Variants in HECW2 observed in about 807,000 individuals in gnomAD.
HECW2 encodes the protein HECT, C2 and WW domain containing E3 ubiquitin protein ligase 2, also known as E3 ubiquitin-protein ligase HECW2.
HECW2 carries 61 observed loss-of-function variants against 175.2 expected under a neutral mutation model. The ratio of observed to expected loss-of-function variants is 0.35; its 90% CI spans 0.28 to 0.43. The LOEUF (loss-of-function observed/expected upper bound fraction) is 0.43, where lower values mean the gene tolerates loss of function less well. Ranked by LOEUF, HECW2 falls within the 20% of genes least tolerant of loss-of-function variation. The pLI is 1.00. For missense variants in HECW2, 1,524 were observed against 2,000.5 expected, an observed-to-expected ratio of 0.76 and a Z score of 4.54; for synonymous variants, 671 against 731.0, an observed-to-expected ratio of 0.92 and a Z score of 1.32.
At chr2:196,291,445 G>A (rs1441831699) in intron 14 of HECW2, 2 of 152,156 alleles carry the variant, frequency 1.3e-5, no homozygotes, top group African/African-American at 2.4e-5. Flanking sequence ...GCATTCATGA[G>A]AATGACAGTT....
chr2:196,333,948 C>T (rs1020523888), intron 4 of HECW2, among the ~76,000 whole-genome samples: 11 of 152,172 alleles, frequency 7.2e-5, no homozygotes, highest in African/African-American at 2.7e-4. Context: ...CCAAACTCAG[C>T]ATTGAGAAGG....
intron 15 of HECW2, among the ~76,000 whole-genome samples, chr2:196,276,303 T>C (rs974855421): frequency 6.6e-6 from 1 of 152,184 alleles, no homozygotes; most frequent in African/African-American, 2.4e-5. Context: ...GACTTATCTC[T>C]GGGCCACTGC....
At position 196,214,853 on chromosome 2, in the gene HECW2, A is replaced by G. The variant is rs1351852425; in HGVS notation, c.4607+1012T>C. ...AGATTGCTCAGTTGCTTGTACTTAA[A>G]GAAACAGATGACATCTTGGGGTACC... On this transcript the variant is annotated intron_variant, in intron 28 of 28. Transcript: ENST00000644978. 2.6e-5 allele frequency among the ~76,000 whole-genome samples: 4 copies of G among 152,222 alleles called. No individual in the cohort carries two copies. In the East Asian group the frequency reaches 7.7e-4, roughly 29 times the overall value.
intron 1 of HECW2, among the ~76,000 whole-genome samples, chr2:196,458,990 G>A (rs906107894): frequency 2.0e-5 from 3 of 152,188 alleles, no homozygotes; most frequent in Admixed American, 1.3e-4. Flanking sequence ...GTTAGGTACT[G>A]CAGGATTTAC....
chr2:196,402,026 G>C (rs1035154200), intron 2 of HECW2, among the ~76,000 whole-genome samples: 66 of 151,544 alleles, frequency 4.4e-4, no homozygotes, highest in Admixed American at 3.7e-3. Flanking sequence ...TGGTGAAACC[G>C]TGTCTCTACT....
chr2:196,220,173 C>G lies in HECW2; in HGVS notation c.4294-20G>C. 1 of 1,485,932 alleles carries G rather than the reference C, an allele frequency of 6.7e-7. No homozygotes were observed. The highest frequency in any genetic ancestry group is 9.4e-7 in the Non-Finnish European group (1 of 1,064,794). The allele number at this position is 1,485,932 out of a possible 1,614,324, so 92.0% of individuals were successfully genotyped here. On this transcript the variant is annotated intron_variant, in intron 25 of 28. Coordinates refer to ENST00000644978, the MANE Select transcript of HECW2 (RefSeq NM_001348768.2). Reference sequence around the variant, plus strand: ...CACCACCTGTGGAATAAAAAGAGTACAAGGCATGGCTTAGGAGCCTGGAGA... The same window carrying G: ...CACCACCTGTGGAATAAAAAGAGTAGAAGGCATGGCTTAGGAGCCTGGAGA...
At chr2:196,498,241 T>C (rs1216737871) in intron 1 of HECW2, among the ~76,000 whole-genome samples, 1 of 152,240 alleles carries the variant, frequency 6.6e-6, no homozygotes, top group Non-Finnish European at 1.5e-5. Flanking sequence ...CATAATATTA[T>C]AACATAAGTG....
intron 1 of HECW2, among the ~76,000 whole-genome samples, chr2:196,518,045 C>T (rs151252602): frequency 1.1e-4 from 16 of 152,090 alleles, no homozygotes; most frequent in South Asian, 2.1e-4. Context: ...AATATAAATA[C>T]GAAGGGGAGA....
At chr2:196,514,398 G>A (rs1161512391) in intron 1 of HECW2, among the ~76,000 whole-genome samples, 4 of 152,332 alleles carry the variant, frequency 2.6e-5, no homozygotes, top group Middle Eastern at 3.4e-3. Flanking sequence ...GCCTGTAGGC[G>A]CTCCTCAGCA....
In HECW2 at chr2:196,281,643, CAAAAAA is replaced by C. The variant is rs66656305; in HGVS notation, c.3001-2987_3001-2982del. ...TAGGTGACAGAGTGAGACCCCGTCT[CAAAAAA>C]AAAAAAAAAAAAAAAAAAAAGCGTG... On this transcript the variant is annotated intron_variant, in intron 14 of 28. Coordinates refer to ENST00000644978, the MANE Select transcript of HECW2 (RefSeq NM_001348768.2). Among the ~76,000 whole-genome samples the C allele has an allele frequency of 2.9e-4, 11 of 38,206 alleles. No homozygotes were observed. In the East Asian group the frequency reaches 2.9e-3, roughly 10 times the overall value. The allele number at this position is 38,206 out of a possible 152,430, so 25.1% of individuals were successfully genotyped here.
chr2:196,206,597 T>C (rs1687075029), intron 28 of HECW2, among the ~76,000 whole-genome samples: 1 of 152,252 alleles, frequency 6.6e-6, no homozygotes, highest in Non-Finnish European at 1.5e-5. Context: ...ACTAAGCATA[T>C]ACTCCATGCC....
At chr2:196,301,118 A>T (rs186797255) in intron 13 of HECW2, among the ~76,000 whole-genome samples, 1 of 152,270 alleles carries the variant, frequency 6.6e-6, no homozygotes, top group Admixed American at 6.5e-5. Flanking sequence ...ACAAGTGAGA[A>T]CATGTGGTGT....
intron 2 of HECW2, among the ~76,000 whole-genome samples, chr2:196,381,308 T>TAGGGG: frequency 6.6e-6 from 1 of 152,190 alleles, no homozygotes; most frequent in Non-Finnish European, 1.5e-5. Context: ...ATTCAGCATG[T>TAGGGG]CCTACTAACC....
At chr2:196,279,024 G>A (rs1319984533) in intron 14 of HECW2, among the ~76,000 whole-genome samples, 2 of 151,896 alleles carry the variant, frequency 1.3e-5, no homozygotes, top group Non-Finnish European at 2.9e-5. Flanking sequence ...TTATTATAAA[G>A]TTCTTACCAC....
intron 3 of HECW2, among the ~76,000 whole-genome samples, chr2:196,338,256 A>G (rs577711821): frequency 5.3e-5 from 8 of 152,168 alleles, no homozygotes; most frequent in Non-Finnish European, 1.2e-4. Flanking sequence ...AAAATCAACC[A>G]TTCTACCACC....
intron 1 of HECW2, among the ~76,000 whole-genome samples, chr2:196,562,739 C>A (rs1230681099): frequency 6.6e-6 from 1 of 152,142 alleles, no homozygotes; most frequent in Non-Finnish European, 1.5e-5. Flanking sequence ...ATTCGAATCA[C>A]AAATCAGAAA....
intron 1 of HECW2, among the ~76,000 whole-genome samples, chr2:196,586,022 T>C (rs1450954935): frequency 1.3e-5 from 2 of 152,188 alleles, no homozygotes; most frequent in Non-Finnish European, 2.9e-5. Context: ...CTCTACATGC[T>C]CTCAAATACC....
intron 19 of HECW2, among the ~76,000 whole-genome samples, chr2:196,251,651 C>T (rs983213399): frequency 2.0e-5 from 3 of 152,136 alleles, no homozygotes; most frequent in African/African-American, 7.2e-5. Context: ...TTGACTCTTC[C>T]CTACCTCTAC....
At chr2:196,292,844 G>A (rs1308970606) in intron 13 of HECW2, 94 bp from the exon 14 acceptor site, 4 of 928,058 alleles carry the variant, frequency 4.3e-6, no homozygotes, top group African/African-American at 1.7e-5. Flanking sequence ...CTTCCAATAA[G>A]TAATGAAATG....
Sources: allele counts gnomAD v4.1 joint callset (sites outside exome capture counted in the v4.1 genomes callset), GRCh38; gene constraint gnomAD v4.1.1; transcripts MANE v1.5; gene names NCBI Gene and HGNC (gene_info 2026-07-23, HGNC 2026-07-21).